Variants in CBLB observed in about 807,000 individuals in gnomAD.
The protein encoded by CBLB is Cbl proto-oncogene B.
A neutral mutation model predicts 104.9 loss-of-function variants in CBLB; 31 were observed. The ratio of observed to expected loss-of-function variants is 0.30; its 90% confidence interval spans 0.22 to 0.40. The LOEUF (loss-of-function observed/expected upper bound fraction) is 0.40. Among genes scored for constraint, CBLB ranks in the 10% least tolerant of loss-of-function variants. CBLB has a pLI of 1.00. For synonymous variants in CBLB, 440 were observed against 422.6 expected, an observed-to-expected ratio of 1.04 and a Z score of -0.51; for missense variants, 1,062 against 1,214.6, an observed-to-expected ratio of 0.87 and a Z score of 1.87.
chr3:105,781,846 C>A (rs930718580), intron 3 of CBLB, among the ~76,000 whole-genome samples: 3 of 152,142 alleles, frequency 2.0e-5, no homozygotes, highest in Non-Finnish European at 4.4e-5. Flanking sequence ...TAATTCAATT[C>A]TCACATTTAA....
chr3:105,659,755 C>T (rs73854353), intron 18 of CBLB, among the ~76,000 whole-genome samples: 2 of 152,026 alleles, frequency 1.3e-5, no homozygotes, highest in Non-Finnish European at 2.9e-5. Flanking sequence ...AAAACAGATG[C>T]TCTGTAGCAT....
chr3:105,754,075 G>A (rs141269686), intron 4 of CBLB, among the ~76,000 whole-genome samples: 82 of 152,088 alleles, frequency 5.4e-4, no homozygotes, highest in African/African-American at 1.6e-3. Context: ...GAGTGTTTGC[G>A]CAACAGATAA....
chr3:105,734,623 C>T (rs1055511773), intron 8 of CBLB, among the ~76,000 whole-genome samples: 15 of 152,114 alleles, frequency 9.9e-5, no homozygotes, highest in Non-Finnish European at 1.5e-4. Context: ...AAACATTTAC[C>T]AAGCACTTCC....
At chr3:105,802,339 C>T (rs918079519) in intron 3 of CBLB, among the ~76,000 whole-genome samples, 1 of 152,174 alleles carries the variant, frequency 6.6e-6, no homozygotes, top group African/African-American at 2.4e-5. Flanking sequence ...TATGCAAAAT[C>T]GCTCACATGC....
In CBLB at chr3:105,796,627, A is replaced by G. The variant is rs137997795; in HGVS notation, c.420-20085T>C. Among the ~76,000 whole-genome samples the G allele has an allele frequency of 6.4e-3, 979 of 152,354 alleles. 12 individuals are homozygous for G. Among genetic ancestry groups the G allele is most frequent in the African/African-American group, 0.023 (938 of 41,592 alleles). On this transcript the variant is annotated intron_variant, in intron 3 of 18. Coordinates refer to ENST00000394030, the MANE Select transcript of CBLB (RefSeq NM_170662.5). ...AAAGAGCTTCTGCACAGCAAAAGAA[A>G]CTATCAACAGAGTAAACAGACAACC...
At chr3:105,831,015 T>C (rs1298141687) in intron 3 of CBLB, among the ~76,000 whole-genome samples, 1 of 152,214 alleles carries the variant, frequency 6.6e-6, no homozygotes. Context: ...CAAAACCTTG[T>C]CATTTAAATA....
intron 2 of CBLB, among the ~76,000 whole-genome samples, chr3:105,860,180 A>C (rs1469866018): frequency 6.6e-6 from 1 of 152,212 alleles, no homozygotes; most frequent in Non-Finnish European, 1.5e-5. Flanking sequence ...CCTAATATGG[A>C]ACTTTGCATA....
At chr3:105,752,976 A>T (rs569490397) in intron 4 of CBLB, among the ~76,000 whole-genome samples, 3 of 152,240 alleles carry the variant, frequency 2.0e-5, no homozygotes, top group Admixed American at 6.5e-5. Flanking sequence ...CAATTATAGA[A>T]ATAAAGATAA....
chr3:105,695,240 CAATAA>C (rs1319733300), intron 12 of CBLB, among the ~76,000 whole-genome samples: 2 of 151,680 alleles, frequency 1.3e-5, no homozygotes, highest in African/African-American at 4.8e-5. Flanking sequence ...ATTTCAGCAA[CAATAA>C]AATAAAAGAC....
chr3:105,682,330 C>G (rs1559802740), intron 14 of CBLB, among the ~76,000 whole-genome samples: 2 of 152,114 alleles, frequency 1.3e-5, no homozygotes, highest in Non-Finnish European at 2.9e-5. Flanking sequence ...ACAATTCTGA[C>G]AGGAACATTC....
In CBLB at chr3:105,865,122, C is replaced by T. The variant is rs141424231; in HGVS notation, c.168+2288G>A. 8.4e-3 allele frequency among the ~76,000 whole-genome samples: 1,277 copies of T among 152,104 alleles called. 19 individuals are homozygous for T. The highest frequency in any genetic ancestry group is 0.029 in the African/African-American group (1,191 of 41,482). ...TAACTTCAGAACTAATAATAAAGTT[C>T]CTGATGTAATCATCAGGACAATGTT... On this transcript the variant is annotated intron_variant, in intron 2 of 18. Coordinates refer to ENST00000394030, the MANE Select transcript of CBLB (RefSeq NM_170662.5).
intron 2 of CBLB, among the ~76,000 whole-genome samples, chr3:105,863,836 C>CA (rs1281384498): frequency 6.6e-6 from 1 of 152,128 alleles, no homozygotes; most frequent in Non-Finnish European, 1.5e-5. Flanking sequence ...GGCAGGTACT[C>CA]AGAGTGCTTT....
intron 3 of CBLB, among the ~76,000 whole-genome samples, chr3:105,801,406 T>G (rs1188198948): frequency 2.6e-5 from 4 of 152,188 alleles, no homozygotes; most frequent in Non-Finnish European, 5.9e-5. Context: ...TAAAATGTGT[T>G]TAGCTACTTT....
chr3:105,803,430 A>G (rs1413570687), intron 3 of CBLB, among the ~76,000 whole-genome samples: 1 of 152,152 alleles, frequency 6.6e-6, no homozygotes, highest in Non-Finnish European at 1.5e-5. Flanking sequence ...CAAGGGTAGC[A>G]TAAAGACGTT....
At chr3:105,694,032 T>G (rs1291038635) in intron 12 of CBLB, among the ~76,000 whole-genome samples, 1 of 151,962 alleles carries the variant, frequency 6.6e-6, no homozygotes, top group Non-Finnish European at 1.5e-5. Flanking sequence ...AACGGAACAT[T>G]CTTAAACTTT....
chr3:105,781,840 T>C (rs2080293896), intron 3 of CBLB, among the ~76,000 whole-genome samples: 1 of 152,168 alleles, frequency 6.6e-6, no homozygotes. Context: ...TATTAATAAT[T>C]CAATTCTCAC....
chr3:105,664,705 C>G (rs1288670055), intron 18 of CBLB, among the ~76,000 whole-genome samples: 1 of 152,102 alleles, frequency 6.6e-6, no homozygotes, highest in African/African-American at 2.4e-5. Context: ...AGACTGAGAA[C>G]CAGAGATCGA....
chr3:105,678,414 T>C lies in CBLB; in HGVS notation c.2569+17A>G, dbSNP rs1257264695. 7 of 1,613,356 alleles carry C rather than the reference T, an allele frequency of 4.3e-6. No individual in the cohort carries two copies. The highest frequency in any genetic ancestry group is 5.9e-6 in the Non-Finnish European group (7 of 1,179,430). ...TTTGCTTTAAGTGAATAGTTTTCTT[T>C]GGCTTTTCCCTCCTACCTGAAGGAA... On this transcript the variant is annotated intron_variant, in intron 17 of 18. Coordinates refer to ENST00000394030, the MANE Select transcript of CBLB (RefSeq NM_170662.5).
chr3:105,716,359 T>C (rs2071872552), intron 10 of CBLB, among the ~76,000 whole-genome samples: 1 of 152,180 alleles, frequency 6.6e-6, no homozygotes, highest in Non-Finnish European at 1.5e-5. Flanking sequence ...ATTAGTTCAC[T>C]TAGTAAATAT....
Sources: gnomAD v4.1 joint callset for allele counts (sites outside exome capture counted in the v4.1 genomes callset) on GRCh38, gnomAD v4.1.1 for gene constraint, MANE v1.5 for transcripts, NCBI Gene and HGNC (gene_info 2026-07-23, HGNC 2026-07-21) for gene names.